SMYD4: variants seen among roughly 807,000 people sequenced by gnomAD.
The protein encoded by SMYD4 is protein-lysine N-methyltransferase SMYD4.
A neutral mutation model predicts 72.8 loss-of-function variants in SMYD4; 68 were observed. The ratio of observed to expected loss-of-function variants is 0.93; its 90% CI spans 0.77 to 1.14. The LOEUF is 1.14. Ranked by LOEUF, SMYD4 falls within the 50% of genes most tolerant of loss-of-function variation. The probability of loss-of-function intolerance (pLI) is 0.00; values close to 1 mark genes in which losing one functional copy is unlikely to be tolerated. For missense variants in SMYD4, 984 were observed against 1,003.7 expected, an observed-to-expected ratio of 0.98 and a Z score of 0.27; for synonymous variants, 407 against 388.6, an observed-to-expected ratio of 1.05 and a Z score of -0.56.
chr17:1,784,045 G>A (rs1908517084), intron 8 of SMYD4, among the ~76,000 whole-genome samples: 1 of 152,220 alleles, frequency 6.6e-6, no homozygotes. Context: ...CACAGCTCAC[G>A]GATGTCAGCG....
At chr17:1,803,874 C>T (rs1179722268) in intron 4 of SMYD4, among the ~76,000 whole-genome samples, 1 of 142,060 alleles carries the variant, frequency 7.0e-6, no homozygotes, top group African/African-American at 2.5e-5. Context: ...GGAGAAAGGG[C>T]GAGTTCAGTT....
chr17:1,794,325 T>C (rs1032789959), intron 5 of SMYD4, among the ~76,000 whole-genome samples: 1 of 148,270 alleles, frequency 6.7e-6, no homozygotes, highest in African/African-American at 2.5e-5. Flanking sequence ...TTCACCGTGT[T>C]AGCCAGGATG....
chr17:1,783,417 C>T lies in SMYD4; in HGVS notation c.2080G>A (p.Glu694Lys), dbSNP rs767914472. 6.8e-6 allele frequency: 11 copies of T among 1,612,990 alleles called. No homozygotes were observed. The highest frequency in any genetic ancestry group is 9.3e-6 in the Non-Finnish European group (11 of 1,180,028). Residue 694 changes from glutamate to lysine, a missense_variant, in exon 9 of 11, where the codon GAG (glutamate) becomes AAG (lysine). By Grantham distance (56) the Glu-to-Lys change is moderately conservative (BLOSUM62 1). Coordinates refer to ENST00000305513, the MANE Select transcript of SMYD4 (RefSeq NM_052928.3). ...GCGATCTCTCCCACCACGGCGTGCTCTGCCCACAGGAAGCTCTCGGCGTCA... is the reference window on the plus strand; with the variant it reads ...GCGATCTCTCCCACCACGGCGTGCTTTGCCCACAGGAAGCTCTCGGCGTCA... ...QRDAESFLWA[E>K]HAVVGEIADG...
At chr17:1,798,734 C>A (rs906200766) in intron 5 of SMYD4, among the ~76,000 whole-genome samples, 1 of 151,908 alleles carries the variant, frequency 6.6e-6, no homozygotes, top group Non-Finnish European at 1.5e-5. Context: ...CCCGTCTCTA[C>A]TAACAACACA....
intron 4 of SMYD4, among the ~76,000 whole-genome samples, chr17:1,801,946 A>T (rs1909786591): frequency 6.6e-6 from 1 of 152,126 alleles, no homozygotes. Context: ...ACTGAACTCC[A>T]GCCTGGGTGA....
rs569581560 is a variant in SMYD4, at chr17:1,789,658, G to A, written c.1538-2054C>T. ...CGTGCACCAGTAATCCCTGCTACTC[G>A]GGAGGCTGAAGCAGGAGAATCGCTT... is the stretch of plus-strand genomic sequence containing the variant. On this transcript the variant is annotated intron_variant, in intron 5 of 10. Transcript: ENST00000305513. 4.0e-5 allele frequency among the ~76,000 whole-genome samples: 6 copies of A among 149,536 alleles called. No individual in the cohort carries two copies. The South Asian group carries it at 1.1e-3, about 26-fold the overall frequency.
intron 3 of SMYD4, among the ~76,000 whole-genome samples, chr17:1,805,004 A>C (rs1909960971): frequency 6.6e-6 from 1 of 152,222 alleles, no homozygotes; most frequent in Admixed American, 6.5e-5. Flanking sequence ...CTACAACCTG[A>C]ATATAACAAA....
intron 4 of SMYD4, 125 bp downstream of exon 4, chr17:1,804,501 A>T: frequency 2.4e-6 from 2 of 845,754 alleles, no homozygotes; most frequent in South Asian, 3.1e-5. Context: ...ATGTGCTTCC[A>T]ATTCAACCAA....
intron 7 of SMYD4, among the ~76,000 whole-genome samples, chr17:1,784,988 C>T (rs548801362): frequency 1.7e-4 from 25 of 148,676 alleles, no homozygotes; most frequent in East Asian, 6.3e-4. Flanking sequence ...GGGGTTTCAC[C>T]GTGTAAGCCA....
rs760744114 is a variant in SMYD4 at position 1,812,022 on chromosome 17, G to A, written c.228C>T (p.Asn76=). ...DAPLFYREEG[N]KKFQEKDYTG... is the part of the protein sequence containing the mutation. ...TGTAATCTTTCTCCTGAAATTTTTT[G>A]TTTCCTTCTTCTCTGTAGAAAAGAG... The change falls in exon 3 of 11, where the codon AAC becomes AAT. Residue 76 remains asparagine (N), a synonymous_variant. Coordinates refer to ENST00000305513, the MANE Select transcript of SMYD4 (RefSeq NM_052928.3). The A allele has an allele frequency of 6.2e-7, 1 of 1,613,984 alleles. No individual in the cohort carries two copies. Among genetic ancestry groups the A allele is most frequent in the South Asian group, 1.1e-5 (1 of 91,078 alleles).
chr17:1,810,604 T>C (rs1317795012), intron 3 of SMYD4, among the ~76,000 whole-genome samples: 1 of 151,986 alleles, frequency 6.6e-6, no homozygotes, highest in Admixed American at 6.6e-5. Flanking sequence ...GGCGGGTCCC[T>C]GGGTAGGGCT....
rs768019959 is a variant in SMYD4, at chr17:1,787,500, C to T, written c.1642G>A (p.Val548Met). 13 of 1,580,162 alleles carry T rather than the reference C, an allele frequency of 8.2e-6. No homozygotes were observed. Among genetic ancestry groups the T allele is most frequent in the African/African-American group, 4.0e-5 (3 of 74,380 alleles). The change falls in exon 6 of 11, where the codon GTG becomes ATG. Residue 548 changes from valine to methionine, a missense_variant. Transcript: ENST00000305513. ...LNHSCSPNTS[V>M]SFISTVATIR... ...GTGGCGACAGTGCTAATGAAGGACA[C>T]GCTGGTGTTGGGGCTACAGGAGTGG...
At chr17:1,826,017 T>C (rs1273358095) in intron 2 of SMYD4, among the ~76,000 whole-genome samples, 2 of 151,992 alleles carry the variant, frequency 1.3e-5, no homozygotes, top group African/African-American at 2.4e-5. Context: ...AACATTTACA[T>C]TGTAAATAGG....
intron 2 of SMYD4, among the ~76,000 whole-genome samples, chr17:1,815,113 G>A (rs1910521368): frequency 6.6e-6 from 1 of 151,694 alleles, no homozygotes; most frequent in African/African-American, 2.4e-5. Flanking sequence ...ACCCAGGCTG[G>A]AGTGCAGTGG....
chr17:1,826,752 A>T (rs1016728852), intron 2 of SMYD4, among the ~76,000 whole-genome samples: 6 of 152,172 alleles, frequency 3.9e-5, no homozygotes, highest in African/African-American at 1.4e-4. Flanking sequence ...AAGCACTAAT[A>T]ACAGCCAGTA....
chr17:1,805,725 T>C (rs1478629480), intron 3 of SMYD4, among the ~76,000 whole-genome samples: 1 of 151,132 alleles, frequency 6.6e-6, no homozygotes, highest in Non-Finnish European at 1.5e-5. Flanking sequence ...GGCAGGAGAA[T>C]TGCTTGGACT....
intron 2 of SMYD4, among the ~76,000 whole-genome samples, chr17:1,820,629 A>AT (rs796958019): frequency 4.7e-4 from 72 of 152,320 alleles, no homozygotes; most frequent in African/African-American, 1.6e-3. Flanking sequence ...TCAGCACAAA[A>AT]TAAAAACAAA....
chr17:1,809,018 G>A (rs1302434152), intron 3 of SMYD4, among the ~76,000 whole-genome samples: 1 of 152,126 alleles, frequency 6.6e-6, no homozygotes, highest in Non-Finnish European at 1.5e-5. Flanking sequence ...ATTCAGAGTA[G>A]GATGTACACC....
At chr17:1,813,096 G>A (rs372385307) in intron 2 of SMYD4, among the ~76,000 whole-genome samples, 18 of 152,162 alleles carry the variant, frequency 1.2e-4, no homozygotes, top group African/African-American at 3.9e-4. Context: ...GCACCACCAC[G>A]TTCAGCCAAT....
Sources: gnomAD v4.1 joint callset for allele counts (sites outside exome capture counted in the v4.1 genomes callset) on GRCh38, gnomAD v4.1.1 for gene constraint, MANE v1.5 for transcripts, NCBI Gene and HGNC (gene_info 2026-07-23, HGNC 2026-07-21) for gene names.